Variants in NTRK2 observed in about 807,000 individuals in gnomAD.
NTRK2 encodes the protein neurotrophic receptor tyrosine kinase 2, also known as BDNF/NT-3 growth factors receptor.
In NTRK2, 13 loss-of-function variants were observed where a neutral mutation model predicts 94.5. The observed-to-expected ratio is 0.14, with a 90% CI of 0.09 to 0.22. The LOEUF is 0.22. Ranked by LOEUF, NTRK2 falls within the 10% of genes least tolerant of loss-of-function variation. NTRK2 has a pLI of 1.00. For synonymous variants in NTRK2, 372 were observed against 407.4 expected (o/e 0.91, Z 1.05); for missense variants, 639 against 1,071.2 (o/e 0.60, Z 5.63).
chr9:84,822,279 T>G (rs1005102828), intron 12 of NTRK2, among the ~76,000 whole-genome samples: 3 of 152,178 alleles, frequency 2.0e-5, no homozygotes, highest in African/African-American at 7.2e-5. Flanking sequence ...GCCTTCTTCT[T>G]TTTCTTTTTC....
chr9:85,000,197 C>T (rs1295184341), intron 17 of NTRK2, among the ~76,000 whole-genome samples: 2 of 152,188 alleles, frequency 1.3e-5, no homozygotes, highest in African/African-American at 4.8e-5. Flanking sequence ...TAACATCCTG[C>T]ACCAGAGCGG....
intron 14 of NTRK2, among the ~76,000 whole-genome samples, chr9:84,914,106 C>T (rs2077324378): frequency 6.6e-6 from 1 of 151,996 alleles, no homozygotes; most frequent in Admixed American, 6.5e-5. Context: ...TTCAAGTTTG[C>T]TTATTGTATT....
chr9:85,021,768 ATTAC>A lies in NTRK2; in HGVS notation c.*333_*336del. 2.4e-6 allele frequency: 1 copy of A among 419,562 alleles called. No individual in the cohort carries two copies. The highest frequency in any genetic ancestry group is 4.4e-6 in the Non-Finnish European group (1 of 228,920). The allele number at this position is 419,562 out of a possible 1,614,324, so 26.0% of individuals were successfully genotyped here. ...TCTTTTGAATCAATCTGGCTTCTGC[ATTAC>A]TATTAACTCTGCATAGACAAAGGCC... On this transcript the variant is annotated 3_prime_UTR_variant, in exon 19 of 19. Coordinates refer to ENST00000277120, the MANE Select transcript of NTRK2 (RefSeq NM_006180.6).
At chr9:84,818,254 C>T (rs966035444) in intron 12 of NTRK2, among the ~76,000 whole-genome samples, 2 of 152,102 alleles carry the variant, frequency 1.3e-5, no homozygotes, top group Non-Finnish European at 2.9e-5. Flanking sequence ...GCTGGTGCTC[C>T]GTATGTGAAC....
Position 84,906,789 on chromosome 9 carries a change from T to C in NTRK2, c.1634-27373T>C, listed in dbSNP as rs190595664. ...TAAAGGCACTTAGAGATGTTTTTGG[T>C]TGGAAGTGCCTTGCTGGCTGTGCCT... On this transcript the variant is annotated intron_variant, in intron 14 of 18. Coordinates refer to ENST00000277120, the MANE Select transcript of NTRK2 (RefSeq NM_006180.6). Among the ~76,000 whole-genome samples the C allele has an allele frequency of 8.3e-4, 127 of 152,286 alleles. 2 individuals carry two copies. The highest frequency in any genetic ancestry group is 8.1e-3 in the East Asian group (42 of 5,186).
chr9:84,676,712 A>G (rs962683997), intron 2 of NTRK2, among the ~76,000 whole-genome samples: 12 of 152,094 alleles, frequency 7.9e-5, no homozygotes, highest in East Asian at 3.9e-4. Flanking sequence ...TCTCAAACAG[A>G]CCGCCTAATT....
Position 84,678,550 on chromosome 9 carries a change from C to T in NTRK2, c.212+7590C>T, listed in dbSNP as rs78376271. On this transcript the variant is annotated intron_variant, in intron 2 of 18. Coordinates refer to ENST00000277120, the MANE Select transcript of NTRK2 (RefSeq NM_006180.6). ...GCAGAGGGGCCTATGCCTGAATTGT[C>T]TGACTCTTGCTCACTGTGTGGCAAG... Among the ~76,000 whole-genome samples the T allele has an allele frequency of 3.3e-3, 501 of 152,324 alleles. 17 individuals are homozygous for T. In the East Asian group the frequency reaches 0.072, roughly 22 times the overall value.
At chr9:84,907,454 C>T (rs924595998) in intron 14 of NTRK2, among the ~76,000 whole-genome samples, 4 of 152,258 alleles carry the variant, frequency 2.6e-5, no homozygotes, top group East Asian at 1.9e-4. Flanking sequence ...CCAGCAGCAA[C>T]AATAAGCAAA....
Position 85,022,370 on chromosome 9 carries a change from C to T in NTRK2, c.*933C>T, listed in dbSNP as rs200204304. The T allele has an allele frequency of 1.7e-5, 4 of 233,092 alleles. No homozygotes were observed. The highest frequency in any genetic ancestry group is 2.2e-5 in the African/African-American group (1 of 45,346). The allele number at this position is 233,092 out of a possible 1,614,324, so 14.4% of individuals were successfully genotyped here. A position where few individuals can be genotyped will look rare whatever the true frequency, so the allele number is the denominator to read the frequency against. ...ATAGTGTGCTCGGACACAGTTTTGTCTTCGTAGGTTGTGATGATAGCACTG... is the reference window on the plus strand; with the variant it reads ...ATAGTGTGCTCGGACACAGTTTTGTTTTCGTAGGTTGTGATGATAGCACTG... On this transcript the variant is annotated 3_prime_UTR_variant, in exon 19 of 19. Coordinates refer to ENST00000277120, the MANE Select transcript of NTRK2 (RefSeq NM_006180.6).
At chr9:84,826,417 C>T (rs2073192129) in intron 12 of NTRK2, among the ~76,000 whole-genome samples, 2 of 152,156 alleles carry the variant, frequency 1.3e-5, no homozygotes, top group South Asian at 4.1e-4. Flanking sequence ...ATAATCTCAT[C>T]TTAGTAATTT....
chr9:84,905,755 A>C (rs1401581382), intron 14 of NTRK2, among the ~76,000 whole-genome samples: 1 of 152,170 alleles, frequency 6.6e-6, no homozygotes, highest in Non-Finnish European at 1.5e-5. Context: ...ACGCAGACTT[A>C]AATTAATATA....
chr9:84,776,141 ATAGG>A (rs1202764218), intron 12 of NTRK2, among the ~76,000 whole-genome samples: 2 of 143,916 alleles, frequency 1.4e-5, no homozygotes, highest in Non-Finnish European at 3.0e-5. Context: ...AGATGGATAG[ATAGG>A]TAGGTAGAGA....
At chr9:84,700,715 C>T (rs902785981) in intron 2 of NTRK2, among the ~76,000 whole-genome samples, 1 of 152,104 alleles carries the variant, frequency 6.6e-6, no homozygotes, top group Non-Finnish European at 1.5e-5. Flanking sequence ...CTGTGTGTTC[C>T]TCCCCATCAT....
chr9:85,022,996 T>C lies in NTRK2; in HGVS notation c.*1559T>C, dbSNP rs1832857829. 2 of 233,052 alleles carry C rather than the reference T, an allele frequency of 8.6e-6. No homozygotes were observed. Among genetic ancestry groups the C allele is most frequent in the Admixed American group, 1.1e-4 (2 of 17,768 alleles). 14.4% of individuals were successfully genotyped at this position (233,052 alleles called of 1,614,324 possible). A position where few individuals can be genotyped will look rare whatever the true frequency, so the allele number is the denominator to read the frequency against. On this transcript the variant is annotated 3_prime_UTR_variant, in exon 19 of 19. Coordinates refer to ENST00000277120, the MANE Select transcript of NTRK2 (RefSeq NM_006180.6). ...GAGAGTGGTTTCATTCCAAGTGTAC[T>C]CCATTGTCAGTATGCTGTTTTTGTT... is the stretch of plus-strand genomic sequence containing the variant.
At chr9:84,793,905 A>G (rs2133243602) in intron 12 of NTRK2, among the ~76,000 whole-genome samples, 1 of 152,354 alleles carries the variant, frequency 6.6e-6, no homozygotes, top group African/African-American at 2.4e-5. Context: ...AGCAGAGTTG[A>G]GTGACTGCTA....
intron 14 of NTRK2, among the ~76,000 whole-genome samples, chr9:84,910,367 C>T (rs1202809601): frequency 1.3e-5 from 2 of 152,112 alleles, no homozygotes; most frequent in Admixed American, 1.3e-4. Context: ...CTCTTGTCTT[C>T]TTATGGCTGT....
At chr9:84,701,674 A>G (rs911710768) in intron 2 of NTRK2, among the ~76,000 whole-genome samples, 1 of 152,200 alleles carries the variant, frequency 6.6e-6, no homozygotes, top group African/African-American at 2.4e-5. Flanking sequence ...GAGAGAAAAG[A>G]GGAAGGGGTA....
At chr9:84,896,346 G>A (rs1352219392) in intron 14 of NTRK2, among the ~76,000 whole-genome samples, 1 of 152,186 alleles carries the variant, frequency 6.6e-6, no homozygotes, top group East Asian at 1.9e-4. Context: ...TTTGATGCCT[G>A]AAACACTGCC....
At chr9:84,852,730 C>T (rs1025290313) in intron 12 of NTRK2, among the ~76,000 whole-genome samples, 2 of 152,182 alleles carry the variant, frequency 1.3e-5, no homozygotes, top group Admixed American at 1.3e-4. Context: ...AAATAGTCCA[C>T]ATGTACAAAA....
Sources: allele counts gnomAD v4.1 joint callset (sites outside exome capture counted in the v4.1 genomes callset), GRCh38; gene constraint gnomAD v4.1.1; transcripts MANE v1.5; gene names NCBI Gene and HGNC (gene_info 2026-07-23, HGNC 2026-07-21).